HMCN1: variants seen among roughly 807,000 people sequenced by gnomAD.
The protein encoded by HMCN1 is hemicentin-1.
In HMCN1, 321 loss-of-function variants were observed where a neutral mutation model predicts 625.9. That is an observed-to-expected ratio of 0.51 (90% CI 0.47 to 0.56). The LOEUF (loss-of-function observed/expected upper bound fraction) is 0.56. HMCN1 is among the 20% of genes least tolerant of loss of function. The pLI, the probability that HMCN1 is intolerant of heterozygous loss-of-function variation, is 0.00. For missense variants in HMCN1, 6,588 were observed against 6,887.3 expected, an observed-to-expected ratio of 0.96 and a Z score of 1.54; for synonymous variants, 2,425 against 2,417.6, an observed-to-expected ratio of 1.00 and a Z score of -0.09.
Position 185,748,034 on chromosome 1 carries a change from A to ATTTT in HMCN1, c.268+13010_268+13013dup, listed in dbSNP as rs36021341. 3.5e-3 allele frequency among the ~76,000 whole-genome samples: 411 copies of ATTTT among 118,130 alleles called. 4 individuals carry two copies. Among genetic ancestry groups the ATTTT allele is most frequent in the African/African-American group, 0.013 (390 of 30,186 alleles). 77.5% of individuals were successfully genotyped at this position (118,130 alleles called of 152,430 possible). A position where few individuals can be genotyped will look rare whatever the true frequency, so the allele number is the denominator to read the frequency against. On this transcript the variant is annotated intron_variant, in intron 1 of 106. Coordinates refer to ENST00000271588, the MANE Select transcript of HMCN1 (RefSeq NM_031935.3). ...ATAAATACAAGAAAGGGTACTTAAA[A>ATTTT]TTTTTTTTTTTTTTTTTTTTTTTTT...
chr1:185,812,251 A>G (rs1190797927), intron 1 of HMCN1, among the ~76,000 whole-genome samples: 1 of 152,062 alleles, frequency 6.6e-6, no homozygotes, highest in Non-Finnish European at 1.5e-5. Flanking sequence ...ATATCTTTTT[A>G]CTAAAACATT....
chr1:185,801,956 G>A (rs901424803), intron 1 of HMCN1, among the ~76,000 whole-genome samples: 4 of 152,194 alleles, frequency 2.6e-5, no homozygotes, highest in African/African-American at 9.6e-5. Flanking sequence ...ACATACTTCA[G>A]TTCCCTGTAG....
intron 1 of HMCN1, among the ~76,000 whole-genome samples, chr1:185,805,231 A>G (rs1233084791): frequency 1.3e-5 from 2 of 152,194 alleles, no homozygotes; most frequent in African/African-American, 4.8e-5. Flanking sequence ...TACTTTTCAC[A>G]GTTATAAGTA....
rs974237178 is a variant in HMCN1 at position 185,871,673 on chromosome 1, G to A, written c.621+5810G>A. ...ACATCCATGAAAAATTCAAATCCTG[G>A]CAATGAAAAGCCTCATAGATTAGAG... On this transcript the variant is annotated intron_variant, in intron 4 of 106. Coordinates refer to ENST00000271588, the MANE Select transcript of HMCN1 (RefSeq NM_031935.3). Among the ~76,000 whole-genome samples the A allele has an allele frequency of 2.6e-5, 4 of 152,006 alleles. No homozygotes were observed. In the South Asian group the frequency reaches 6.2e-4, roughly 24 times the overall value.
rs189983759 is a variant in HMCN1, at chr1:185,972,688, C to T, written c.2371+2195C>T. Among the ~76,000 whole-genome samples, 332 of 152,184 alleles carry T rather than the reference C, an allele frequency of 2.2e-3. 2 individuals carry two copies. Among genetic ancestry groups the T allele is most frequent in the African/African-American group, 7.6e-3 (316 of 41,548 alleles). On this transcript the variant is annotated intron_variant, in intron 15 of 106. Coordinates refer to ENST00000271588, the MANE Select transcript of HMCN1 (RefSeq NM_031935.3). ...TGTTTCTGTTATGCATTAACTATTT[C>T]CATATTCGCTGTTAGATCTTTCTCT... is the stretch of plus-strand genomic sequence containing the variant.
chr1:186,039,263 A>C (rs1656043798), intron 38 of HMCN1, among the ~76,000 whole-genome samples: 2 of 152,176 alleles, frequency 1.3e-5, no homozygotes, highest in African/African-American at 2.4e-5. Flanking sequence ...AACAACAAAA[A>C]ACACTGCTTA....
chr1:185,931,571 C>T (rs569091367), intron 10 of HMCN1, among the ~76,000 whole-genome samples: 1 of 152,114 alleles, frequency 6.6e-6, no homozygotes, highest in Non-Finnish European at 1.5e-5. Flanking sequence ...TGAAGAGGAA[C>T]TAGAATCTGG....
rs1407824560 is a variant in HMCN1, at chr1:185,978,437, C to T, written c.2566+456C>T. Among the ~76,000 whole-genome samples, 2 of 152,092 alleles carry T rather than the reference C, an allele frequency of 1.3e-5. 1 individual carries two copies. Among genetic ancestry groups the T allele is most frequent in the South Asian group, 4.1e-4 (2 of 4,826 alleles). On this transcript the variant is annotated intron_variant, in intron 16 of 106. Coordinates refer to ENST00000271588, the MANE Select transcript of HMCN1 (RefSeq NM_031935.3). ...GCTGTATCCACCTGAAGCAAAAGATCCCTGCCACCCCCACAAAAGTCAAAT... is the reference window on the plus strand; with the variant it reads ...GCTGTATCCACCTGAAGCAAAAGATTCCTGCCACCCCCACAAAAGTCAAAT...
intron 99 of HMCN1, 75 bp from the exon 100 acceptor site, chr1:186,166,733 A>T: frequency 1.2e-6 from 2 of 1,604,034 alleles, no homozygotes; most frequent in East Asian, 4.5e-5. Context: ...TGCTTTTTGT[A>T]TCCCTATTTC....
Position 186,095,451 on chromosome 1 carries a change from G to A in HMCN1, c.10503G>A (p.Ser3501=), listed in dbSNP as rs145257193. The change falls in exon 68 of 107, where the codon TCG becomes TCA. Residue 3501 remains serine (S), a synonymous_variant. Coordinates refer to ENST00000271588, the MANE Select transcript of HMCN1 (RefSeq NM_031935.3). ...TCCTCAAAGCAGAGACTGAAGATTCGGGAAAGTACACCTGCATTGCCTCAA... is the reference window on the plus strand; with the variant it reads ...TCCTCAAAGCAGAGACTGAAGATTCAGGAAAGTACACCTGCATTGCCTCAA... ...LQLLKAETED[S]GKYTCIASNE... The A allele has an allele frequency of 3.6e-5, 58 of 1,613,638 alleles. No homozygotes were observed. Among genetic ancestry groups the A allele is most frequent in the African/African-American group, 3.1e-4 (23 of 74,970 alleles).
At chr1:185,999,753 AT>A (rs1214483909) in intron 25 of HMCN1, among the ~76,000 whole-genome samples, 1 of 152,096 alleles carries the variant, frequency 6.6e-6, no homozygotes, top group Non-Finnish European at 1.5e-5. Flanking sequence ...CTGCCAACAA[AT>A]CACTGTGAAC....
intron 2 of HMCN1, among the ~76,000 whole-genome samples, chr1:185,854,254 G>A (rs898698451): frequency 3.3e-5 from 5 of 152,178 alleles, no homozygotes; most frequent in Non-Finnish European, 7.3e-5. Flanking sequence ...CTGGGTAGGA[G>A]CAGTTAGTTC....
At chr1:185,781,604 T>C (rs1327680116) in intron 1 of HMCN1, among the ~76,000 whole-genome samples, 1 of 152,258 alleles carries the variant, frequency 6.6e-6, no homozygotes, top group Non-Finnish European at 1.5e-5. Flanking sequence ...TTTCGTTATG[T>C]ACCCAGTGGT....
rs1211455574 is a variant in HMCN1, at chr1:186,189,652, G to C, written c.16682G>C (p.Gly5561Ala). 1.9e-6 allele frequency: 3 copies of C among 1,612,222 alleles called. No individual in the cohort carries two copies. The South Asian group carries it at 3.3e-5, about 18-fold the overall frequency. Residue 5561 changes from glycine to alanine, a missense_variant, in exon 107 of 107, where the codon GGA becomes GCA. By Grantham distance (60) the Gly-to-Ala change is moderately conservative. Coordinates refer to ENST00000271588, the MANE Select transcript of HMCN1 (RefSeq NM_031935.3). ...CGGCTGGTTGCATACACACAGGATG[G>C]AGTGATGCATCCCAGGACAACTTTC... is the stretch of plus-strand genomic sequence containing the variant. ...LIRLVAYTQD[G>A]VMHPRTTFLM...
chr1:186,045,776 C>T lies in HMCN1; in HGVS notation c.6393C>T (p.Pro2131=). 4 of 1,612,078 alleles carry T rather than the reference C, an allele frequency of 2.5e-6. No homozygotes were observed. The highest frequency in any genetic ancestry group is 3.4e-6 in the Non-Finnish European group (4 of 1,178,348). Residue 2131 remains proline, a synonymous_variant, in exon 41 of 107, where the codon CCC becomes CCT. Coordinates refer to ENST00000271588, the MANE Select transcript of HMCN1 (RefSeq NM_031935.3). ...VELLCQSDAI[P]PPTLTWLKDG... is the part of the protein sequence containing the mutation. ...TACTATGTCAAAGTGATGCTATTCC[C>T]CCACCTACTCTTACTTGGTTAAAAG...
At chr1:185,951,148 G>C (rs1253716400) in intron 11 of HMCN1, among the ~76,000 whole-genome samples, 4 of 146,122 alleles carry the variant, frequency 2.7e-5, no homozygotes, top group South Asian at 2.1e-4. Flanking sequence ...GGGTTAAGGT[G>C]GGGGGATACA....
In HMCN1 at chr1:186,122,962, A is replaced by G. The variant is rs747272199; in HGVS notation, c.12241A>G (p.Ile4081Val). 1.2e-6 allele frequency: 2 copies of G among 1,613,876 alleles called. No individual in the cohort carries two copies. Among genetic ancestry groups the G allele is most frequent in the Non-Finnish European group, 1.7e-6 (2 of 1,179,982 alleles). The change falls in exon 81 of 107, where the codon ATT becomes GTT. Residue 4081 changes from isoleucine (I) to valine (V), a missense_variant. This residue lies in a region of HMCN1 where 1,954 missense variants were observed against 2,013.1 expected (regional missense o/e 0.97). Coordinates refer to ENST00000271588, the MANE Select transcript of HMCN1 (RefSeq NM_031935.3). ...IKLNVQVPPV[I>V]SPHLKEYVIA... ...TTTGTATATTTTAGTTCCTCCAGTC[A>G]TTAGCCCTCATCTAAAGGAATATGT... is the stretch of plus-strand genomic sequence containing the variant.
chr1:185,914,467 T>G (rs1650828621), intron 6 of HMCN1, among the ~76,000 whole-genome samples: 1 of 152,082 alleles, frequency 6.6e-6, no homozygotes, highest in African/African-American at 2.4e-5. Context: ...ATCTATTACT[T>G]AACTTTACCT....
chr1:185,926,339 CT>C (rs1667276871), intron 9 of HMCN1, among the ~76,000 whole-genome samples: 1 of 152,102 alleles, frequency 6.6e-6, no homozygotes, highest in African/African-American at 2.4e-5. Context: ...ATTTTCTACT[CT>C]TAAAGATTAA....
Sources: allele counts gnomAD v4.1 joint callset (sites outside exome capture counted in the v4.1 genomes callset), GRCh38; gene constraint gnomAD v4.1.1; regional missense constraint gnomAD v4.1.1; transcripts MANE v1.5; gene names NCBI Gene and HGNC (gene_info 2026-07-23, HGNC 2026-07-21).